Variants in HMCN2 observed in about 807,000 individuals in gnomAD.
The protein encoded by HMCN2 is hemicentin-2.
In HMCN2, 325 loss-of-function variants were observed where a neutral mutation model predicts 377.5. The observed-to-expected ratio is 0.86, with a 90% CI of 0.79 to 0.94. The LOEUF (loss-of-function observed/expected upper bound fraction) is 0.94, where lower values mean the gene tolerates loss of function less well. Among genes scored for constraint, HMCN2 ranks in the 40% least tolerant of loss-of-function variants. HMCN2 has a pLI of 0.00. For missense variants in HMCN2, 4,543 were observed against 4,725.3 expected, an observed-to-expected ratio of 0.96 and a Z score of 1.13; for synonymous variants, 2,007 against 2,046.8, an observed-to-expected ratio of 0.98 and a Z score of 0.53.
In HMCN2 at chr9:130,403,803, G is replaced by C. The variant is rs1275275512; in HGVS notation, c.12076G>C (p.Ala4026Pro). 9 of 1,289,714 alleles carry C rather than the reference G, an allele frequency of 7.0e-6. No homozygotes were observed. The highest frequency in any genetic ancestry group is 9.1e-6 in the Non-Finnish European group (9 of 988,888). The allele number at this position is 1,289,714 out of a possible 1,614,324, so 79.9% of individuals were successfully genotyped here. A position where few individuals can be genotyped will look rare whatever the true frequency, so the allele number is the denominator to read the frequency against. Residue 4026 changes from alanine (A) to proline (P), a missense_variant, in exon 80 of 98, where the codon GCT (alanine) becomes CCT (proline). Physicochemically the swap from Ala to Pro is conservative, Grantham distance 27. This residue lies in a region of HMCN2 where 1,073 missense variants were observed against 1,319.5 expected (regional missense o/e 0.81). Transcript: ENST00000683500. ...GATTGCCCATGCCAGCCCAGAGGATGCTGGAAACTATCTCTGCATCGCTAA... is the reference window on the plus strand; with the variant it reads ...GATTGCCCATGCCAGCCCAGAGGATCCTGGAAACTATCTCTGCATCGCTAA... ...LRIAHASPED[A>P]GNYLCIAKNS...
At chr9:130,374,851 A>G (rs556377239) in intron 49 of HMCN2, among the ~76,000 whole-genome samples, 158 bp downstream of exon 49, 2 of 152,366 alleles carry the variant, frequency 1.3e-5, no homozygotes, top group Non-Finnish European at 2.9e-5. Flanking sequence ...CTATTGACGG[A>G]ACATTTATTA....
chr9:130,339,130 G>A (rs1177622964), intron 23 of HMCN2, among the ~76,000 whole-genome samples: 1 of 152,238 alleles, frequency 6.6e-6, no homozygotes, highest in Non-Finnish European at 1.5e-5. Flanking sequence ...CGAGGCTGCA[G>A]TGACCTGTGA....
At chr9:130,301,630 C>A (rs1406396059) in intron 8 of HMCN2, among the ~76,000 whole-genome samples, 1 of 152,212 alleles carries the variant, frequency 6.6e-6, no homozygotes, top group Admixed American at 6.5e-5. Flanking sequence ...GCTGGATGGT[C>A]AGACACCCCT....
At chr9:130,402,937 G>T (rs1193851180) in intron 78 of HMCN2, 41 bp downstream of exon 78, 1 of 1,270,852 alleles carries the variant, frequency 7.9e-7, no homozygotes, top group East Asian at 5.6e-5. Flanking sequence ...CCTAGGGCCA[G>T]GGGAGCAGGT....
chr9:130,383,184 G>A (rs541647504), intron 56 of HMCN2, among the ~76,000 whole-genome samples: 1 of 152,300 alleles, frequency 6.6e-6, no homozygotes, highest in Admixed American at 6.5e-5. Context: ...ACATCAGGCA[G>A]CCCCCTGAGT....
At position 130,433,384 on chromosome 9, in the gene HMCN2, G is replaced by T. The variant is rs748426603; in HGVS notation, c.14931G>T (p.Thr4977=). The change falls in exon 98 of 98, where the codon ACG becomes ACT. Residue 4977 remains threonine (T), a synonymous_variant. Coordinates refer to ENST00000683500, the MANE Select transcript of HMCN2 (RefSeq NM_001291815.2). The part of the protein sequence containing the change: ...CFRRCSQDCG[T]GGPSTLQYRL... ...GGCGCTGCTCGCAGGACTGCGGCAC[G>T]GGCGGCCCCTCTACGCTGCAGTACC... 2.7e-6 allele frequency: 4 copies of T among 1,479,752 alleles called. No individual in the cohort carries two copies. The highest frequency in any genetic ancestry group is 4.6e-5 in the Admixed American group (2 of 43,270). The allele number at this position is 1,479,752 out of a possible 1,614,324, so 91.7% of individuals were successfully genotyped here.
At chr9:130,416,973 C>G (rs373851523) in intron 85 of HMCN2, among the ~76,000 whole-genome samples, 1 of 151,744 alleles carries the variant, frequency 6.6e-6, no homozygotes, top group Non-Finnish European at 1.5e-5. Context: ...AGTGCAGTGG[C>G]GCAATCTCGG....
chr9:130,331,030 C>T (rs1341325723), intron 22 of HMCN2, among the ~76,000 whole-genome samples: 1 of 150,262 alleles, frequency 6.7e-6, no homozygotes, highest in Non-Finnish European at 1.5e-5. Flanking sequence ...TGGTGGTGCG[C>T]GCCTGTAGTC....
In HMCN2 at chr9:130,372,365, G is replaced by A. The variant is rs1564826625; in HGVS notation, c.7309G>A (p.Glu2437Lys). The change falls in exon 47 of 98, where the codon GAG becomes AAG. Residue 2437 changes from glutamate (E) to lysine (K), a missense_variant. Glu to Lys is a moderately conservative substitution (Grantham distance 56). Coordinates refer to ENST00000683500, the MANE Select transcript of HMCN2 (RefSeq NM_001291815.2). ...SGLYSCLASN[E>K]AGEARRNFSV... The stretch of plus-strand genomic sequence containing the variant: ...CCTCTACTCATGCCTGGCAAGCAAC[G>A]AGGCTGGGGAGGCACGGAGGAACTT... The A allele has an allele frequency of 1.0e-6, 1 of 985,896 alleles. No individual in the cohort carries two copies. The highest frequency in any genetic ancestry group is 1.2e-6 in the Non-Finnish European group (1 of 830,018). The allele number at this position is 985,896 out of a possible 1,614,324, so 61.1% of individuals were successfully genotyped here.
chr9:130,323,822 C>T (rs1011875673), intron 19 of HMCN2, among the ~76,000 whole-genome samples: 2,703 of 152,292 alleles, frequency 0.018, 65 homozygotes, highest in African/African-American at 0.061. Context: ...CCTGCCTCAG[C>T]CTCCTGAGTA....
chr9:130,294,478 A>G (rs987732039), intron 4 of HMCN2, among the ~76,000 whole-genome samples: 6 of 152,154 alleles, frequency 3.9e-5, no homozygotes, highest in Non-Finnish European at 8.8e-5. Flanking sequence ...TCAGTCATGA[A>G]CTACATGGGT....
At chr9:130,418,704 T>C in intron 85 of HMCN2, 68 bp from the exon 86 acceptor site, 1 of 1,311,512 alleles carries the variant, frequency 7.6e-7, no homozygotes, top group Non-Finnish European at 1.0e-6. Flanking sequence ...TGTGTCTAAA[T>C]GAACATATCC....
At chr9:130,348,489 C>T (rs557293712) in intron 26 of HMCN2, 56 bp from the exon 27 acceptor site, 26 of 1,289,126 alleles carry the variant, frequency 2.0e-5, no homozygotes, top group African/African-American at 6.1e-5. Context: ...GAGGTCCCTT[C>T]GGCTGTGGCT....
rs71387339 is a variant in HMCN2, at chr9:130,293,279, G to GTTTTTTTTTTTTTTTTTTTTTTT, written c.613-1555_613-1554insTTTTTTTTTTTTTTTTTTTTTTT. ...TTCCAAATAAAATCTACTCACTAAA[G>GTTTTTTTTTTTTTTTTTTTTTTT]TTTTTTTTTTTTTTTTTTTTTGCGG... On this transcript the variant is annotated intron_variant, in intron 4 of 97. Coordinates refer to ENST00000683500, the MANE Select transcript of HMCN2 (RefSeq NM_001291815.2). 1.5e-3 allele frequency among the ~76,000 whole-genome samples: 86 copies of GTTTTTTTTTTTTTTTTTTTTTTT among 57,118 alleles called. 13 individuals carry two copies. The highest frequency in any genetic ancestry group is 5.9e-3 in the African/African-American group (52 of 8,882). 37.5% of individuals were successfully genotyped at this position (57,118 alleles called of 152,430 possible).
chr9:130,325,083 TC>T, intron 19 of HMCN2, among the ~76,000 whole-genome samples: 1 of 68,530 alleles, frequency 1.5e-5, no homozygotes, highest in Admixed American at 2.2e-4. Flanking sequence ...CTTTTCTTCT[TC>T]TTCTTCTTCT....
At chr9:130,374,024 A>ATGAATGGATGATTGGT (rs1229012050) in intron 48 of HMCN2, among the ~76,000 whole-genome samples, 1 of 151,298 alleles carries the variant, frequency 6.6e-6, no homozygotes, top group Non-Finnish European at 1.5e-5. Context: ...GAATGGAGAA[A>ATGAATGGATGATTGGT]TGAATGGATG....
rs1425907631 is a variant in HMCN2, at chr9:130,303,341, T to C, written c.1422-146T>C. ...CACACAGCATGTCATGGAATTTCCATGTGCTTGGCTGTGTATGTCTTCTTA... is the reference window on the plus strand; with the variant it reads ...CACACAGCATGTCATGGAATTTCCACGTGCTTGGCTGTGTATGTCTTCTTA... On this transcript the variant is annotated intron_variant, in intron 9 of 97. Transcript: ENST00000683500. The surrounding 1 kb of genome is among the most constrained non-coding windows in gnomAD (Gnocchi z 5.2). 1.1e-5 allele frequency: 3 copies of C among 282,106 alleles called. No individual in the cohort carries two copies. Among genetic ancestry groups the C allele is most frequent in the Admixed American group, 4.6e-5 (1 of 21,942 alleles). The allele number at this position is 282,106 out of a possible 1,614,324, so 17.5% of individuals were successfully genotyped here. A position where few individuals can be genotyped will look rare whatever the true frequency, so the allele number is the denominator to read the frequency against.
intron 85 of HMCN2, among the ~76,000 whole-genome samples, chr9:130,416,479 G>A (rs569367947): frequency 2.0e-5 from 3 of 152,248 alleles, no homozygotes; most frequent in East Asian, 1.9e-4. Context: ...ATAATTTGTG[G>A]CATTCGTCCA....
In HMCN2 at chr9:130,354,890, G is replaced by A. The variant is rs1300445294; in HGVS notation, c.4992G>A (p.Gly1664=). ...PSPTLSWHHE[G]LPVAESNESR... The stretch of plus-strand genomic sequence containing the variant: ...CCACCCTCTCCTGGCACCACGAGGG[G>A]CTGCCCGTGGCAGAGAGCAACGAGT... The change falls in exon 32 of 98, where the codon GGG becomes GGA. Residue 1664 remains glycine, a synonymous_variant. Coordinates refer to ENST00000683500, the MANE Select transcript of HMCN2 (RefSeq NM_001291815.2). The A allele has an allele frequency of 1.5e-6, 2 of 1,304,164 alleles. No homozygotes were observed. Among genetic ancestry groups the A allele is most frequent in the African/African-American group, 1.5e-5 (1 of 65,882 alleles). The allele number at this position is 1,304,164 out of a possible 1,614,324, so 80.8% of individuals were successfully genotyped here.
Sources: allele counts gnomAD v4.1 joint callset (sites outside exome capture counted in the v4.1 genomes callset), GRCh38; gene constraint gnomAD v4.1.1; regional missense constraint gnomAD v4.1.1; non-coding constraint Gnocchi (gnomAD v3.1); transcripts MANE v1.5; gene names NCBI Gene and HGNC (gene_info 2026-07-23, HGNC 2026-07-21).